Variants in ZBTB4 observed in about 807,000 individuals in gnomAD.
The protein encoded by ZBTB4 is zinc finger and BTB domain containing 4.
Under a neutral mutation model 59.8 loss-of-function variants are expected in ZBTB4, and 14 were observed. The observed-to-expected ratio is 0.23, with a 90% confidence interval of 0.15 to 0.37. ZBTB4 has a LOEUF of 0.37. Among genes scored for constraint, ZBTB4 ranks in the 10% least tolerant of loss-of-function variants. ZBTB4 has a pLI of 1.00. For missense variants in ZBTB4, 1,198 were observed against 1,380.8 expected (o/e 0.87, Z 2.10); for synonymous variants, 587 against 575.2 (o/e 1.02, Z -0.29).
In ZBTB4 at chr17:7,463,617, C is replaced by T. The variant is rs200065055; in HGVS notation, c.1365G>A (p.Pro455=). 1.6e-5 allele frequency: 25 copies of T among 1,605,404 alleles called. No homozygotes were observed. In the East Asian group the frequency reaches 3.1e-4, roughly 20 times the overall value. ...CTGGGGCAGGTGGAGGCCCAGGCGG[C>T]GGGCTGGCTGGCATTGCCACAGGGG... ...TPAPVAMPAS[P]PPGPPPAPEP... Residue 455 remains proline, a synonymous_variant, in exon 4 of 4, where the codon CCG becomes CCA. Coordinates refer to ENST00000380599, the MANE Select transcript of ZBTB4 (RefSeq NM_001128833.2).
In ZBTB4 at chr17:7,462,071, C is replaced by T. The variant is rs374895110; in HGVS notation, c.2911G>A (p.Ala971Thr). The change falls in exon 4 of 4, where the codon GCA becomes ACA. Residue 971 changes from alanine (A) to threonine (T), a missense_variant. Ala to Thr is a moderately conservative substitution (Grantham distance 58, BLOSUM62 0). Coordinates refer to ENST00000380599, the MANE Select transcript of ZBTB4 (RefSeq NM_001128833.2). This position sits in a 1 kb window ranked among gnomAD's most constrained non-coding sequence, Gnocchi z 7.5. ...LPFLPGVFGY[A>T]VNPQAAPPAP... ...GGGGGTGCTGCTTGAGGATTCACTG[C>T]GTAGCCAAAGACCCCTGGTAGGAAG... 150 of 1,599,010 alleles carry T rather than the reference C, an allele frequency of 9.4e-5. No homozygotes were observed. The highest frequency in any genetic ancestry group is 1.2e-4 in the Non-Finnish European group (146 of 1,172,296).
At chr17:7,479,901 C>A (rs944871204), upstream of ZBTB4, among the ~76,000 whole-genome samples, 3 of 151,952 alleles carry the variant, frequency 2.0e-5, no homozygotes, top group African/African-American at 7.3e-5. Context: ...AGGGAAAGGG[C>A]TCCCTCCGCC....
intron 1 of ZBTB4, 47 bp from the exon 2 acceptor site, chr17:7,467,374 GA>G (rs747692005): frequency 1.1e-5 from 6 of 534,814 alleles, no homozygotes; most frequent in Non-Finnish European, 1.4e-5. Flanking sequence ...AGGAGGAGCA[GA>G]AGAGGGTCCT....
At position 7,464,957 on chromosome 17, in the gene ZBTB4, C is replaced by G. The variant is rs528505751; in HGVS notation, c.1091+754G>C. 4.1e-5 allele frequency among the ~76,000 whole-genome samples: 6 copies of G among 147,974 alleles called. No individual in the cohort carries two copies. In the East Asian group the frequency reaches 6.1e-4, roughly 15 times the overall value. ...GGATCACAAGGTCAGGAAATCGAGA[C>G]CATACTGGCTAACACGGTGAAACCC... On this transcript the variant is annotated intron_variant, in intron 3 of 3. Transcript: ENST00000380599.
chr17:7,479,453 C>T lies in ZBTB4; in HGVS notation c.-81+3G>A, dbSNP rs2070314662. 1 of 154,832 alleles carries T rather than the reference C, an allele frequency of 6.5e-6. No homozygotes were observed. Among genetic ancestry groups the T allele is most frequent in the Non-Finnish European group, 1.4e-5 (1 of 69,756 alleles). 9.6% of individuals were successfully genotyped at this position (154,832 alleles called of 1,614,324 possible). On this transcript the variant is annotated splice_donor_region_variant and intron_variant, in intron 1 of 3. Transcript: ENST00000380599. ...GCCCTGCCCAGTTCGCCCCAGGGCC[C>T]ACCTGACTGCGATGGCGCCGCGTCC...
chr17:7,478,100 G>C (rs946002699), intron 1 of ZBTB4, among the ~76,000 whole-genome samples: 1 of 151,978 alleles, frequency 6.6e-6, no homozygotes, highest in African/African-American at 2.4e-5. Context: ...CTGGCCTCTT[G>C]GGTCTGAGGC....
chr17:7,479,321 C>G (rs888926679), intron 1 of ZBTB4, 135 bp downstream of exon 1: 1 of 152,010 alleles, frequency 6.6e-6, no homozygotes, highest in Non-Finnish European at 1.5e-5. Context: ...CCCCTGCGCC[C>G]CCAGGTCAAC....
rs2070072050 is a variant in ZBTB4 at position 7,463,758 on chromosome 17, C to T, written c.1224G>A (p.Lys408=). Residue 408 remains lysine, a synonymous_variant, in exon 4 of 4, where the codon AAG becomes AAA. Transcript: ENST00000380599. The stretch of plus-strand genomic sequence containing the variant: ...GGCGGTAGAGCTTGAGTGTATTGAG[C>T]TTGGGCTTGTAGCCTCCATTGGGTG... The part of the protein sequence containing the change: ...EKTPNGGYKP[K]LNTLKLYRLL... The T allele has an allele frequency of 6.2e-7, 1 of 1,614,090 alleles. No homozygotes were observed. The highest frequency in any genetic ancestry group is 8.5e-7 in the Non-Finnish European group (1 of 1,180,018).
upstream of ZBTB4, among the ~76,000 whole-genome samples, chr17:7,481,780 A>T (rs1230918434): frequency 1.3e-5 from 2 of 152,016 alleles, no homozygotes; most frequent in Non-Finnish European, 2.9e-5. Flanking sequence ...ATGCTCCAGG[A>T]CTGCTCACTC....
At chr17:7,464,508 A>G (rs1432763542) in intron 3 of ZBTB4, among the ~76,000 whole-genome samples, 1 of 149,956 alleles carries the variant, frequency 6.7e-6, no homozygotes, top group African/African-American at 2.4e-5. Flanking sequence ...GGTGGTGAGC[A>G]GGGGCCTCAG....
Position 7,463,077 on chromosome 17 carries a change from C to A in ZBTB4, c.1905G>T (p.Glu635Asp). The A allele has an allele frequency of 6.2e-7, 1 of 1,610,882 alleles. No homozygotes were observed. Among genetic ancestry groups the A allele is most frequent in the Non-Finnish European group, 8.5e-7 (1 of 1,179,396 alleles). The change falls in exon 4 of 4, where the codon GAG (glutamate) becomes GAT (aspartate). Residue 635 changes from glutamate to aspartate, a missense_variant. Glu to Asp is a conservative substitution (Grantham distance 45). Around this residue, in one of 9 missense-constraint regions of ZBTB4, gnomAD observed 550 missense variants for 541.8 expected, o/e 1.02. Coordinates refer to ENST00000380599, the MANE Select transcript of ZBTB4 (RefSeq NM_001128833.2). Reference protein sequence around the residue: ...PGELSGEEMEESEEDEEEEDE... With the variant: ...PGELSGEEMEDSEEDEEEEDE... ...CCTCCTCCTCTTCGTCCTCCTCACTCTCCTCCATCTCCTCTCCGCTCAGCT... is the reference window on the plus strand; with the variant it reads ...CCTCCTCCTCTTCGTCCTCCTCACTATCCTCCATCTCCTCTCCGCTCAGCT...
At chr17:7,476,034 C>T (rs1023304876) in intron 1 of ZBTB4, among the ~76,000 whole-genome samples, 11 of 152,216 alleles carry the variant, frequency 7.2e-5, no homozygotes, top group African/African-American at 1.9e-4. Flanking sequence ...TGGCTGAAAT[C>T]GCCGCCGAGC....
Position 7,463,894 on chromosome 17 carries a change from G to C in ZBTB4, c.1092-4C>G, listed in dbSNP as rs777425156. 10 of 1,610,850 alleles carry C rather than the reference G, an allele frequency of 6.2e-6. No homozygotes were observed. In the African/African-American group the frequency reaches 1.2e-4, roughly 19 times the overall value. On this transcript the variant is annotated splice_region_variant and splice_polypyrimidine_tract_variant and intron_variant, in intron 3 of 3. Coordinates refer to ENST00000380599, the MANE Select transcript of ZBTB4 (RefSeq NM_001128833.2). ...CCAACAGAAGATGCACTGGTACCTG[G>C]GTCAGGACAGCAGGGAATAGGGCAG...
Position 7,466,114 on chromosome 17 carries a change from G to T in ZBTB4, c.688C>A (p.Pro230Thr), listed in dbSNP as rs1237865606. Reference protein sequence around the residue: ...AQAPDLQCSLPRRPLPCPQCG... With the variant: ...AQAPDLQCSLTRRPLPCPQCG... ...TGGGGGCAGGGGAGGGGCCGCCGGG[G>T]CAGGGAGCACTGCAAGTCAGGGGCC... is the stretch of plus-strand genomic sequence containing the variant. The change falls in exon 3 of 4, where the codon CCC becomes ACC. Residue 230 changes from proline to threonine, a missense_variant. This residue lies in a region of ZBTB4 where 204 missense variants were observed against 205.5 expected (regional missense o/e 0.99). Coordinates refer to ENST00000380599, the MANE Select transcript of ZBTB4 (RefSeq NM_001128833.2). The surrounding 1 kb of genome is among the most constrained non-coding windows in gnomAD (Gnocchi z 9.1). 1 of 1,607,974 alleles carries T rather than the reference G, an allele frequency of 6.2e-7. No homozygotes were observed. The highest frequency in any genetic ancestry group is 1.1e-5 in the South Asian group (1 of 90,850).
intron 1 of ZBTB4, among the ~76,000 whole-genome samples, chr17:7,479,177 T>C (rs1597782717): frequency 6.8e-6 from 1 of 146,958 alleles, no homozygotes; most frequent in Non-Finnish European, 1.5e-5. Context: ...AAAGAGGGAG[T>C]GAGCACCTCC....
In ZBTB4 at chr17:7,473,625, C is replaced by T. The variant is rs528932493; in HGVS notation, c.-81+5831G>A. On this transcript the variant is annotated intron_variant, in intron 1 of 3. Coordinates refer to ENST00000380599, the MANE Select transcript of ZBTB4 (RefSeq NM_001128833.2). Reference sequence around the variant, plus strand: ...ACAATGGTGAGATTGAGGCTCACTGCAGCCTTAACCTCCTGGGCTCAAATG... The same window carrying T: ...ACAATGGTGAGATTGAGGCTCACTGTAGCCTTAACCTCCTGGGCTCAAATG... 6.6e-5 allele frequency among the ~76,000 whole-genome samples: 10 copies of T among 151,744 alleles called. No individual in the cohort carries two copies. The East Asian group carries it at 9.8e-4, about 15-fold the overall frequency.
At chr17:7,482,276 C>T (rs2070354535), upstream of ZBTB4, 1 of 1,613,930 alleles carries the variant, frequency 6.2e-7, no homozygotes, top group Admixed American at 1.7e-5. Flanking sequence ...TCTGGGACCT[C>T]CTGACATCCG....
chr17:7,481,324 T>A, upstream of ZBTB4: 1 of 968,742 alleles, frequency 1.0e-6, no homozygotes, highest in Non-Finnish European at 1.4e-6. Flanking sequence ...GAGTGGAAAC[T>A]TCGTCGCAAA....
chr17:7,465,143 G>A (rs1401145493), intron 3 of ZBTB4, among the ~76,000 whole-genome samples: 7 of 131,128 alleles, frequency 5.3e-5, no homozygotes, highest in Non-Finnish European at 7.9e-5. Context: ...GCAACAGGGC[G>A]AGACTCTGTC....
Sources: gnomAD v4.1 joint callset for allele counts (sites outside exome capture counted in the v4.1 genomes callset) on GRCh38, gnomAD v4.1.1 for gene constraint, gnomAD v4.1.1 regional missense constraint, Gnocchi (gnomAD v3.1) non-coding constraint, MANE v1.5 for transcripts, NCBI Gene and HGNC (gene_info 2026-07-23, HGNC 2026-07-21) for gene names.